Variants in GALNTL6 observed in about 807,000 individuals in gnomAD.
GALNTL6 encodes the protein polypeptide N-acetylgalactosaminyltransferase-like 6.
GALNTL6 carries 46 observed loss-of-function variants against 73.7 expected under a neutral mutation model. That is an observed-to-expected ratio of 0.62 (90% confidence interval 0.49 to 0.80). GALNTL6 has a LOEUF of 0.80. GALNTL6 is among the 30% of genes least tolerant of loss of function. The pLI is 0.00. For missense variants in GALNTL6, 604 were observed against 755.0 expected (o/e 0.80, Z 2.34); for synonymous variants, 259 against 263.7 (o/e 0.98, Z 0.17).
intron 12 of GALNTL6, among the ~76,000 whole-genome samples, chr4:173,039,317 A>C (rs1381388171): frequency 6.6e-6 from 1 of 152,184 alleles, no homozygotes; most frequent in African/African-American, 2.4e-5. Flanking sequence ...GAATTTGTAC[A>C]TTCAGCTATT....
At chr4:172,817,845 T>C (rs139571473) in intron 7 of GALNTL6, among the ~76,000 whole-genome samples, 61 of 152,330 alleles carry the variant, frequency 4.0e-4, no homozygotes, top group African/African-American at 1.3e-3. Context: ...GTTAGACTTA[T>C]TGACAGAAAT....
intron 5 of GALNTL6, among the ~76,000 whole-genome samples, chr4:172,434,789 G>A (rs541403157): frequency 1.5e-4 from 23 of 151,968 alleles, no homozygotes; most frequent in Non-Finnish European, 3.2e-4. Flanking sequence ...GTGATAAGTT[G>A]TATCAACTGT....
At chr4:172,299,906 G>T (rs1328326150) in intron 3 of GALNTL6, among the ~76,000 whole-genome samples, 1 of 152,112 alleles carries the variant, frequency 6.6e-6, no homozygotes, top group Non-Finnish European at 1.5e-5. Flanking sequence ...GAGCTGAATT[G>T]AATTCCTGGA....
chr4:171,904,806 C>G (rs1486081233), intron 2 of GALNTL6, among the ~76,000 whole-genome samples: 1 of 152,210 alleles, frequency 6.6e-6, no homozygotes, highest in Non-Finnish European at 1.5e-5. Context: ...TCAGCAGAAA[C>G]TCTACATGCC....
intron 3 of GALNTL6, among the ~76,000 whole-genome samples, chr4:172,254,652 C>T (rs899179843): frequency 3.3e-5 from 5 of 151,608 alleles, no homozygotes; most frequent in Admixed American, 2.6e-4. Flanking sequence ...GAGTAATGAT[C>T]GTGTAAAGAG....
chr4:171,961,682 T>G (rs1168161417), intron 2 of GALNTL6, among the ~76,000 whole-genome samples: 8 of 152,196 alleles, frequency 5.3e-5, no homozygotes, highest in Non-Finnish European at 8.8e-5. Context: ...GTTTTTGAGT[T>G]TTTTCTACAA....
At chr4:172,346,138 G>C (rs75360860) in intron 4 of GALNTL6, among the ~76,000 whole-genome samples, 33 of 152,290 alleles carry the variant, frequency 2.2e-4, no homozygotes, top group African/African-American at 7.2e-4. Flanking sequence ...TCATCTGCTA[G>C]AGCTTATCTC....
At chr4:172,569,114 A>G (rs1364663369) in intron 5 of GALNTL6, among the ~76,000 whole-genome samples, 2 of 152,178 alleles carry the variant, frequency 1.3e-5, no homozygotes, top group Non-Finnish European at 2.9e-5. Flanking sequence ...CTCTGGGACC[A>G]GTATAACCGA....
intron 7 of GALNTL6, among the ~76,000 whole-genome samples, chr4:172,814,460 C>T (rs139663447): frequency 1.4e-3 from 212 of 152,098 alleles, no homozygotes; most frequent in African/African-American, 4.4e-3. Flanking sequence ...AAACTTTTTC[C>T]AACAGTTAGC....
At chr4:172,469,778 G>T (rs767877843) in intron 5 of GALNTL6, among the ~76,000 whole-genome samples, 1 of 152,050 alleles carries the variant, frequency 6.6e-6, no homozygotes. Context: ...TGCTTTTCAC[G>T]TTATTTTATT....
intron 5 of GALNTL6, among the ~76,000 whole-genome samples, chr4:172,729,146 A>G (rs1312150087): frequency 6.6e-6 from 1 of 152,144 alleles, no homozygotes; most frequent in African/African-American, 2.4e-5. Context: ...TCAGATGGAT[A>G]GTTTGCAAAT....
At chr4:171,924,512 C>T (rs1407631293) in intron 2 of GALNTL6, among the ~76,000 whole-genome samples, 1 of 152,110 alleles carries the variant, frequency 6.6e-6, no homozygotes, top group Non-Finnish European at 1.5e-5. Flanking sequence ...GGGATAAGAT[C>T]ATGTAGAGAC....
At chr4:171,916,367 C>G (rs1737633177) in intron 2 of GALNTL6, among the ~76,000 whole-genome samples, 2 of 152,062 alleles carry the variant, frequency 1.3e-5, no homozygotes, top group Non-Finnish European at 1.5e-5. Flanking sequence ...TGACATAGTG[C>G]AAAGGCTTTC....
chr4:172,212,165 G>T (rs765429200), intron 2 of GALNTL6, among the ~76,000 whole-genome samples: 7 of 151,770 alleles, frequency 4.6e-5, no homozygotes, highest in Non-Finnish European at 1.0e-4. Context: ...TTAATAATTA[G>T]CTTTTTTTTT....
At chr4:172,497,624 T>C (rs1734109935) in intron 5 of GALNTL6, among the ~76,000 whole-genome samples, 1 of 152,268 alleles carries the variant, frequency 6.6e-6, no homozygotes, top group Non-Finnish European at 1.5e-5. Context: ...AGATGTAGTA[T>C]TGGGCTTAGT....
intron 8 of GALNTL6, among the ~76,000 whole-genome samples, chr4:172,909,567 G>T (rs1747088659): frequency 6.6e-6 from 1 of 151,932 alleles, no homozygotes; most frequent in Admixed American, 6.6e-5. Context: ...AGAAAAATGT[G>T]AATTAATATT....
chr4:172,137,327 A>C (rs919520022), intron 2 of GALNTL6, among the ~76,000 whole-genome samples: 31 of 152,316 alleles, frequency 2.0e-4, no homozygotes, highest in African/African-American at 7.5e-4. Flanking sequence ...CTATATATAC[A>C]CTTTACACTC....
At chr4:172,168,949 A>T (rs1414945890) in intron 2 of GALNTL6, among the ~76,000 whole-genome samples, 6 of 152,228 alleles carry the variant, frequency 3.9e-5, no homozygotes, top group Admixed American at 3.9e-4. Flanking sequence ...AATCTCTTGA[A>T]ATATTCTTTG....
intron 5 of GALNTL6, among the ~76,000 whole-genome samples, chr4:172,478,333 G>A (rs1257832822): frequency 6.6e-6 from 1 of 152,184 alleles, no homozygotes; most frequent in Non-Finnish European, 1.5e-5. Context: ...CAGTGGAACA[G>A]AGTAGAGAAC....
Sources: gnomAD v4.1 joint callset for allele counts (sites outside exome capture counted in the v4.1 genomes callset) on GRCh38, gnomAD v4.1.1 for gene constraint, MANE v1.5 for transcripts, NCBI Gene and HGNC (gene_info 2026-07-23, HGNC 2026-07-21) for gene names.